The following DNAH11 variants were observed in gnomAD, a reference collection of about 807,000 sequenced individuals.
The protein encoded by DNAH11 is dynein axonemal heavy chain 11, also known as axonemal beta dynein heavy chain 11.
Under a neutral mutation model 526.0 loss-of-function variants are expected in DNAH11, and 442 were observed. The ratio of observed to expected loss-of-function variants is 0.84; its 90% CI spans 0.78 to 0.91. The LOEUF (loss-of-function observed/expected upper bound fraction) is 0.91, where lower values mean the gene tolerates loss of function less well. DNAH11 is among the 40% of genes least tolerant of loss of function. The pLI is 0.00. For synonymous variants in DNAH11, 2,461 were observed against 1,935.9 expected (o/e 1.27, Z -7.12); for missense variants, 6,989 against 5,448.7 (o/e 1.28, Z -8.90).
intron 65 of DNAH11, among the ~76,000 whole-genome samples, chr7:21,841,185 C>T (rs1782189645): frequency 1.3e-5 from 2 of 151,876 alleles, no homozygotes; most frequent in African/African-American, 4.8e-5. Context: ...CACTGTCACA[C>T]ACACACAAAA....
chr7:21,593,897 A>AG (rs1784777046), intron 14 of DNAH11, among the ~76,000 whole-genome samples: 1 of 144,512 alleles, frequency 6.9e-6, no homozygotes, highest in Admixed American at 6.8e-5. Context: ...TGCTCCCCCC[A>AG]GACACAAAAT....
chr7:21,702,769 G>C lies in DNAH11; in HGVS notation c.6240G>C (p.Leu2080=). The C allele has an allele frequency of 6.2e-7, 1 of 1,613,496 alleles. No individual in the cohort carries two copies. The highest frequency in any genetic ancestry group is 1.7e-5 in the Admixed American group (1 of 59,942). ...IKSVLVVAGS[L]KRGDKNRPED... ...CTGTCTTGGTTGTGGCTGGATCTCT[G>C]AAACGAGGAGATAAAAATAGACCCG... Residue 2080 remains leucine (L), a synonymous_variant, in exon 37 of 82, where the codon CTG becomes CTC. Coordinates refer to ENST00000409508, the MANE Select transcript of DNAH11 (RefSeq NM_001277115.2).
chr7:21,802,948 AATAT>A (rs201985396), intron 62 of DNAH11, among the ~76,000 whole-genome samples: 3 of 146,150 alleles, frequency 2.1e-5, no homozygotes, highest in African/African-American at 8.0e-5. Flanking sequence ...ATATATATAT[AATAT>A]ATATATATAA....
intron 35 of DNAH11, among the ~76,000 whole-genome samples, chr7:21,695,660 A>G (rs1783818839): frequency 6.6e-6 from 1 of 152,258 alleles, no homozygotes; most frequent in Non-Finnish European, 1.5e-5. Context: ...CCTAGGCAAT[A>G]CCACTCAGGA....
chr7:21,607,393 G>A (rs1718925254), intron 20 of DNAH11, among the ~76,000 whole-genome samples: 2 of 151,932 alleles, frequency 1.3e-5, no homozygotes, highest in South Asian at 4.2e-4. Context: ...AATCTCCTTT[G>A]GCATCACCCT....
Position 21,639,065 on chromosome 7 carries a change from G to C in DNAH11, c.4944G>C (p.Gln1648His), listed in dbSNP as rs1375617156. The C allele has an allele frequency of 1.2e-6, 2 of 1,607,126 alleles. No individual in the cohort carries two copies. The highest frequency in any genetic ancestry group is 8.5e-7 in the Non-Finnish European group (1 of 1,177,996). The change falls in exon 28 of 82, where the codon CAG becomes CAC. Residue 1648 changes from glutamine to histidine, a missense_variant and splice_region_variant. Physicochemically the swap from Gln to His is conservative, Grantham distance 24 (BLOSUM62 0). Coordinates refer to ENST00000409508, the MANE Select transcript of DNAH11 (RefSeq NM_001277115.2). ...TCTCAAAAGGAGCTCAGCCTAAACA[G>C]GTAATATTTTTTTTGAAAGTCTCGT... Reference protein sequence around the residue: ...DILSKGAQPKQVTCHLAKLFD... With the variant: ...DILSKGAQPKHVTCHLAKLFD...
At chr7:21,616,665 G>A (rs1195906748) in intron 22 of DNAH11, among the ~76,000 whole-genome samples, 6 of 152,088 alleles carry the variant, frequency 3.9e-5, no homozygotes, top group African/African-American at 1.4e-4. Flanking sequence ...TTTTGGCTCT[G>A]GAATTTGGGG....
rs752074919 is a variant in DNAH11 at position 21,616,243 on chromosome 7, G to C, written c.4046G>C (p.Arg1349Thr). 44 of 1,613,510 alleles carry C rather than the reference G, an allele frequency of 2.7e-5. No individual in the cohort carries two copies. Among genetic ancestry groups the C allele is most frequent in the Non-Finnish European group, 3.6e-5 (43 of 1,179,704 alleles). Residue 1349 changes from arginine (R) to threonine (T), a missense_variant, in exon 22 of 82, where the codon AGA becomes ACA. Arg to Thr is a moderately conservative substitution (Grantham distance 71). Transcript: ENST00000409508. ...GATAATTGGACTAAAACCCAGTGGAGACAGATTCATGTGGAACAGATGGAT... is the reference window on the plus strand; with the variant it reads ...GATAATTGGACTAAAACCCAGTGGACACAGATTCATGTGGAACAGATGGAT... ...SIDNWTKTQW[R>T]QIHVEQMDVE...
Position 21,725,887 on chromosome 7 carries a change from C to T in DNAH11, c.7343C>T (p.Thr2448Ile), listed in dbSNP as rs1193879875. ...GCAGTGAAATTTCCGTCGCAGGGAA[C>T]AATCTTTGATTATTATGTGGACCAC... ...MKAVKFPSQG[T>I]IFDYYVDHKT... The change falls in exon 45 of 82, where the codon ACA (threonine) becomes ATA (isoleucine). Residue 2448 changes from threonine (T) to isoleucine (I), a missense_variant. Physicochemically the swap from Thr to Ile is moderately conservative, Grantham distance 89. Transcript: ENST00000409508. 1.9e-6 allele frequency: 3 copies of T among 1,605,930 alleles called. No homozygotes were observed. The highest frequency in any genetic ancestry group is 2.6e-6 in the Non-Finnish European group (3 of 1,175,832).
At chr7:21,744,086 A>G (rs1162258021) in intron 49 of DNAH11, among the ~76,000 whole-genome samples, 1 of 152,202 alleles carries the variant, frequency 6.6e-6, no homozygotes, top group East Asian at 1.9e-4. Flanking sequence ...TATAGTAAAA[A>G]AAATATGATT....
intron 61 of DNAH11, among the ~76,000 whole-genome samples, chr7:21,790,598 C>T (rs539576927): frequency 1.1e-4 from 16 of 152,154 alleles, no homozygotes; most frequent in East Asian, 1.9e-4. Flanking sequence ...CATGAAATAC[C>T]GAGCCCGAAG....
chr7:21,807,944 A>G lies in DNAH11; in HGVS notation c.10227A>G (p.Gly3409=). The G allele has an allele frequency of 6.2e-7, 1 of 1,609,886 alleles. No individual in the cohort carries two copies. Among genetic ancestry groups the G allele is most frequent in the South Asian group, 1.1e-5 (1 of 90,490 alleles). Residue 3409 remains glycine (G), a synonymous_variant, in exon 63 of 82, where the codon GGA becomes GGG. Coordinates refer to ENST00000409508, the MANE Select transcript of DNAH11 (RefSeq NM_001277115.2). ...SFEAQEKTLC[G]DVLLTAAFVS... is the part of the protein sequence containing the mutation. ...AAGCTCAAGAGAAGACACTCTGTGG[A>G]GATGTTCTTCTCACGGCGGCATTTG...
At chr7:21,758,700 T>C (rs967767903) in intron 54 of DNAH11, among the ~76,000 whole-genome samples, 1 of 152,216 alleles carries the variant, frequency 6.6e-6, no homozygotes, top group Admixed American at 6.5e-5. Context: ...TTTCCATTAT[T>C]TTATATTGTA....
chr7:21,882,330 AAC>A (rs780678036), intron 75 of DNAH11, among the ~76,000 whole-genome samples: 1 of 152,104 alleles, frequency 6.6e-6, no homozygotes, highest in East Asian at 1.9e-4. Context: ...TTAAGTTTTT[AAC>A]ACATTCTCAT....
intron 29 of DNAH11, among the ~76,000 whole-genome samples, chr7:21,656,523 A>G (rs1043334317): frequency 2.0e-5 from 3 of 152,182 alleles, no homozygotes; most frequent in African/African-American, 7.2e-5. Flanking sequence ...CTCTCCTCTC[A>G]CAGCCAAATA....
At chr7:21,569,723 A>T (rs1212823687) in intron 6 of DNAH11, among the ~76,000 whole-genome samples, 3 of 152,196 alleles carry the variant, frequency 2.0e-5, no homozygotes, top group Non-Finnish European at 4.4e-5. Context: ...TCTGCCTCGT[A>T]TATTCTTTAG....
At chr7:21,544,311 A>T (rs1448941261) in intron 1 of DNAH11, among the ~76,000 whole-genome samples, 2 of 152,218 alleles carry the variant, frequency 1.3e-5, no homozygotes, top group Non-Finnish European at 2.9e-5. Flanking sequence ...ATGTCGTTTT[A>T]TCACTAGGTG....
intron 76 of DNAH11, among the ~76,000 whole-genome samples, chr7:21,889,223 CAG>C (rs1372938356): frequency 6.6e-6 from 1 of 152,206 alleles, no homozygotes; most frequent in Non-Finnish European, 1.5e-5. Flanking sequence ...TAGCATATAT[CAG>C]TACTCAATTC....
chr7:21,844,422 C>T (rs1782336017), intron 66 of DNAH11, among the ~76,000 whole-genome samples: 1 of 152,192 alleles, frequency 6.6e-6, no homozygotes, highest in Non-Finnish European at 1.5e-5. Context: ...AAGACTCTGT[C>T]TCAAACAAAA....
Sources: allele counts gnomAD v4.1 joint callset (sites outside exome capture counted in the v4.1 genomes callset), GRCh38; gene constraint gnomAD v4.1.1; transcripts MANE v1.5; gene names NCBI Gene and HGNC (gene_info 2026-07-23, HGNC 2026-07-21).